Variants in EP400 observed in about 807,000 individuals in gnomAD.
EP400 encodes E1A binding protein p400, also known as E1A-binding protein p400.
EP400 carries 105 observed loss-of-function variants against 354.1 expected under a neutral mutation model. That is an observed-to-expected ratio of 0.30 (90% CI 0.25 to 0.35). EP400 has a LOEUF of 0.35. Among genes scored for constraint, EP400 ranks in the 10% least tolerant of loss-of-function variants. EP400 has a pLI of 1.00. For synonymous variants in EP400, 1,646 were observed against 1,716.9 expected (o/e 0.96, Z 1.02); for missense variants, 3,280 against 4,121.0 (o/e 0.80, Z 5.59).
chr12:131,984,609 G>A (rs1044973154), intron 5 of EP400, among the ~76,000 whole-genome samples: 3 of 152,150 alleles, frequency 2.0e-5, no homozygotes, highest in African/African-American at 7.2e-5. Context: ...GCCACATACT[G>A]ACTTAAAGCA....
intron 39 of EP400, among the ~76,000 whole-genome samples, chr12:132,049,874 T>G (rs1895235837): frequency 6.6e-6 from 1 of 152,232 alleles, no homozygotes; most frequent in African/African-American, 2.4e-5. Context: ...CCCAAGAATG[T>G]ACTTTGAGAC....
Position 132,013,588 on chromosome 12 carries a change from A to G in EP400, c.3710A>G (p.Tyr1237Cys). Residue 1237 changes from tyrosine to cysteine, a missense_variant, in exon 18 of 53, where the codon TAC (tyrosine) becomes TGC (cysteine). Transcript: ENST00000389561. The surrounding 1 kb of genome is among the most constrained non-coding windows in gnomAD (Gnocchi z 4.5). Reference protein sequence around the residue: ...HFLVPGISRPYLSSPLRAPSE... With the variant: ...HFLVPGISRPCLSSPLRAPSE... ...CTGGTCCCAGGGATCTCCAGGCCCT[A>G]CCTGAGCTCCCCTCTGAGGGCCCCC... 6.2e-7 allele frequency: 1 copy of G among 1,613,894 alleles called. No individual in the cohort carries two copies. Among genetic ancestry groups the G allele is most frequent in the Non-Finnish European group, 8.5e-7 (1 of 1,179,898 alleles).
chr12:131,965,370 G>A (rs1201092291), intron 2 of EP400, among the ~76,000 whole-genome samples: 1 of 152,180 alleles, frequency 6.6e-6, no homozygotes, highest in Non-Finnish European at 1.5e-5. Flanking sequence ...AGTCTTGCCT[G>A]AATCAGTTAT....
chr12:131,997,969 C>T (rs1893273540), intron 12 of EP400, among the ~76,000 whole-genome samples: 1 of 152,172 alleles, frequency 6.6e-6, no homozygotes, highest in Non-Finnish European at 1.5e-5. Flanking sequence ...TCTGCTTTTA[C>T]TCTTAGGTTG....
At chr12:131,991,195 C>T (rs1330423884) in intron 9 of EP400, among the ~76,000 whole-genome samples, 2 of 152,140 alleles carry the variant, frequency 1.3e-5, no homozygotes, top group Non-Finnish European at 2.9e-5. Context: ...TGATGAGGAA[C>T]CCGAGGCTGA....
chr12:132,043,275 A>G, intron 32 of EP400, 29 bp from the exon 33 acceptor site: 1 of 1,591,824 alleles, frequency 6.3e-7, no homozygotes, highest in Non-Finnish European at 8.5e-7. Context: ...AAAGTCTATC[A>G]AGGCAATCTA....
intron 30 of EP400, among the ~76,000 whole-genome samples, chr12:132,037,118 A>G (rs1894745196): frequency 6.6e-6 from 1 of 152,144 alleles, no homozygotes. Context: ...GTCCCCAGTG[A>G]TGGAATCTTG....
chr12:131,990,107 G>C lies in EP400; in HGVS notation c.2550+3G>C. ...GCTTTTGGTCGAATATTGAACAGGCGAGTGCTGCCGTTGTCATGGGGTCGT... is the reference window on the plus strand; with the variant it reads ...GCTTTTGGTCGAATATTGAACAGGCCAGTGCTGCCGTTGTCATGGGGTCGT... On this transcript the variant is annotated splice_donor_region_variant and intron_variant, in intron 8 of 52. Coordinates refer to ENST00000389561, the MANE Select transcript of EP400 (RefSeq NM_015409.5). This position sits in a 1 kb window ranked among gnomAD's most constrained non-coding sequence, Gnocchi z 4.2. The C allele has an allele frequency of 6.2e-7, 1 of 1,600,392 alleles. No individual in the cohort carries two copies. Among genetic ancestry groups the C allele is most frequent in the Non-Finnish European group, 8.5e-7 (1 of 1,175,178 alleles).
chr12:131,959,374 C>T (rs999541023), intron 1 of EP400, among the ~76,000 whole-genome samples: 3 of 152,148 alleles, frequency 2.0e-5, no homozygotes, highest in Non-Finnish European at 4.4e-5. Context: ...GGGGAACAGA[C>T]GGGGCTGCAG....
At chr12:131,999,075 C>T (rs1893319274) in intron 12 of EP400, among the ~76,000 whole-genome samples, 1 of 151,708 alleles carries the variant, frequency 6.6e-6, no homozygotes, top group Admixed American at 6.6e-5. Flanking sequence ...CTTGTTCTTG[C>T]TTTGAAAGAG....
In EP400 at chr12:131,994,976, T is replaced by C. The variant is rs1403487484; in HGVS notation, c.2827+20T>C. 1.9e-6 allele frequency: 3 copies of C among 1,601,338 alleles called. No homozygotes were observed. The highest frequency in any genetic ancestry group is 2.2e-5 in the East Asian group (1 of 44,788). On this transcript the variant is annotated intron_variant, in intron 12 of 52. Transcript: ENST00000389561. The surrounding 1 kb of genome is among the most constrained non-coding windows in gnomAD (Gnocchi z 4.6). ...AGGAAGGTAGGCTGTTGCTACCTTA[T>C]TAAACATTCAGTAAGTAAAAAGAAA...
At chr12:132,031,884 G>A (rs1201807642) in intron 29 of EP400, 69 bp from the exon 30 acceptor site, 8 of 1,480,868 alleles carry the variant, frequency 5.4e-6, no homozygotes, top group African/African-American at 1.4e-5. Context: ...ATTAATAAAT[G>A]TTGAAACGTG....
chr12:132,074,074 A>ACCAC (rs921504003), intron 51 of EP400, among the ~76,000 whole-genome samples: 1 of 148,974 alleles, frequency 6.7e-6, no homozygotes, highest in Non-Finnish European at 1.5e-5. Flanking sequence ...ACAGGCACAC[A>ACCAC]CCACCATGCC....
rs557475404 is a variant in EP400 at position 132,019,042 on chromosome 12, G to A, written c.4277+666G>A. 8.5e-5 allele frequency among the ~76,000 whole-genome samples: 13 copies of A among 152,238 alleles called. No homozygotes were observed. In the South Asian group the frequency reaches 2.1e-3, roughly 24 times the overall value. Reference sequence around the variant, plus strand: ...TGTATTTGGCTTCACTGGGGACTTTGAGTGGATCACCGTCCCCTCATCAGT... The same window carrying A: ...TGTATTTGGCTTCACTGGGGACTTTAAGTGGATCACCGTCCCCTCATCAGT... On this transcript the variant is annotated intron_variant, in intron 21 of 52. Transcript: ENST00000389561.
At position 132,017,308 on chromosome 12, in the gene EP400, G is replaced by A. The variant is rs1464139781; in HGVS notation, c.3924-227G>A. On this transcript the variant is annotated intron_variant, in intron 19 of 52. Coordinates refer to ENST00000389561, the MANE Select transcript of EP400 (RefSeq NM_015409.5). The surrounding 1 kb of genome is among the most constrained non-coding windows in gnomAD (Gnocchi z 5.0). The stretch of plus-strand genomic sequence containing the variant: ...AATGAAGTGGAGTGGCTGTCTTTCC[G>A]TCAGCTCTGGTGGGGCGGATGTCAT... Among the ~76,000 whole-genome samples the A allele has an allele frequency of 2.0e-5, 3 of 152,226 alleles. No homozygotes were observed. The highest frequency in any genetic ancestry group is 1.9e-4 in the East Asian group (1 of 5,198).
intron 24 of EP400, among the ~76,000 whole-genome samples, chr12:132,024,971 C>G (rs1221240483): frequency 6.6e-6 from 1 of 152,100 alleles, no homozygotes; most frequent in Non-Finnish European, 1.5e-5. Context: ...AGGGTGAGCC[C>G]ACTGACCTCC....
At position 132,069,632 on chromosome 12, in the gene EP400, C is replaced by T. The variant is rs572101362; in HGVS notation, c.9012C>T (p.Thr3004=). 3 of 1,614,052 alleles carry T rather than the reference C, an allele frequency of 1.9e-6. No homozygotes were observed. The African/African-American group carries it at 4.0e-5, about 22-fold the overall frequency. Residue 3004 remains threonine (T), a synonymous_variant, in exon 51 of 53, where the codon ACC becomes ACT. Coordinates refer to ENST00000389561, the MANE Select transcript of EP400 (RefSeq NM_015409.5). Reference sequence around the variant, plus strand: ...TGGCCGGGGCCCAGCAAGTGCAGACCCAGATCCAGGTGAGCGGGGAACAGG... The same window carrying T: ...TGGCCGGGGCCCAGCAAGTGCAGACTCAGATCCAGGTGAGCGGGGAACAGG... The part of the protein sequence containing the change: ...QKLAGAQQVQ[T]QIQVAKLPQV...
chr12:132,076,740 A>G, intron 52 of EP400, 147 bp downstream of exon 52: 1 of 734,408 alleles, frequency 1.4e-6, no homozygotes, highest in Non-Finnish European at 2.2e-6. Context: ...AGATACACTT[A>G]ATAATGAGAA....
Position 132,018,101 on chromosome 12 carries a change from G to GGC in EP400, c.4111-105_4111-104dup. ...TGCTTGCCGAGTGGCCGTTAGAGGG[G>GGC]GCGCGTCTGGATGCCCACGTTAGGG... On this transcript the variant is annotated intron_variant, in intron 20 of 52. Transcript: ENST00000389561. This position sits in a 1 kb window ranked among gnomAD's most constrained non-coding sequence, Gnocchi z 4.0. 2 of 1,375,002 alleles carry GGC rather than the reference G, an allele frequency of 1.5e-6. No individual in the cohort carries two copies. The highest frequency in any genetic ancestry group is 1.0e-6 in the Non-Finnish European group (1 of 997,052). The allele number at this position is 1,375,002 out of a possible 1,614,324, so 85.2% of individuals were successfully genotyped here. A position where few individuals can be genotyped will look rare whatever the true frequency, so the allele number is the denominator to read the frequency against.
Sources: allele counts gnomAD v4.1 joint callset (sites outside exome capture counted in the v4.1 genomes callset), GRCh38; gene constraint gnomAD v4.1.1; non-coding constraint Gnocchi (gnomAD v3.1); transcripts MANE v1.5; gene names NCBI Gene and HGNC (gene_info 2026-07-23, HGNC 2026-07-21).